The following ART3 variants were observed in gnomAD, a reference collection of about 807,000 sequenced individuals.
ART3 encodes ecto-ADP-ribosyltransferase 3.
In ART3, 49 loss-of-function variants were observed where a neutral mutation model predicts 48.5. The ratio of observed to expected loss-of-function variants is 1.01; its 90% CI spans 0.80 to 1.28. The LOEUF is 1.28. ART3 is among the 50% of genes most tolerant of loss of function. The probability of loss-of-function intolerance (pLI) is 0.00; values close to 1 mark genes in which losing one functional copy is unlikely to be tolerated. For missense variants in ART3, 438 were observed against 454.3 expected, an observed-to-expected ratio of 0.96 and a Z score of 0.33; for synonymous variants, 145 against 157.2, an observed-to-expected ratio of 0.92 and a Z score of 0.58.
At chr4:76,106,040 A>G (rs1728395929) in intron 10 of ART3, 2 of 985,436 alleles carry the variant, frequency 2.0e-6, no homozygotes, top group South Asian at 9.4e-5. Flanking sequence ...GCTTTTTAAA[A>G]GGTGATGTGA....
At chr4:76,084,339 C>T (rs180851652) in intron 3 of ART3, among the ~76,000 whole-genome samples, 1 of 152,126 alleles carries the variant, frequency 6.6e-6, no homozygotes, top group Non-Finnish European at 1.5e-5. Context: ...AAATGGTCCA[C>T]TAAAGAAAAT....
At chr4:76,090,780 A>C (rs1224659003) in intron 3 of ART3, among the ~76,000 whole-genome samples, 1 of 152,254 alleles carries the variant, frequency 6.6e-6, no homozygotes, top group African/African-American at 2.4e-5. Context: ...CTGCACATAA[A>C]GTAAAATTTA....
intron 10 of ART3, among the ~76,000 whole-genome samples, chr4:76,105,155 G>A (rs1473464826): frequency 6.6e-6 from 1 of 152,146 alleles, no homozygotes; most frequent in Non-Finnish European, 1.5e-5. Context: ...TGACACTGAT[G>A]ACACACCTTG....
intron 1 of ART3, among the ~76,000 whole-genome samples, chr4:76,013,919 T>C (rs998500566): frequency 1.3e-5 from 2 of 152,236 alleles, no homozygotes; most frequent in Non-Finnish European, 2.9e-5. Flanking sequence ...TCCTACCTTT[T>C]TAAGACCACT....
intron 1 of ART3, among the ~76,000 whole-genome samples, chr4:76,050,478 T>C: frequency 6.6e-6 from 1 of 152,148 alleles, no homozygotes; most frequent in Non-Finnish European, 1.5e-5. Context: ...TGCTGATTGG[T>C]GTATTTACAA....
At chr4:76,041,070 G>T (rs4637430) in intron 1 of ART3, 92,990 of 152,024 alleles carry the variant, frequency 0.61, 29,505 homozygotes, top group East Asian at 0.94. Context: ...CACATGTCTG[G>T]CACTCTTTTG....
chr4:76,013,964 A>G lies in ART3; in HGVS notation c.-10+2644A>G, dbSNP rs151041184. Among the ~76,000 whole-genome samples, 312 of 152,348 alleles carry G rather than the reference A, an allele frequency of 2.0e-3. 1 individual carries two copies. Among genetic ancestry groups the G allele is most frequent in the African/African-American group, 7.0e-3 (293 of 41,576 alleles). On this transcript the variant is annotated intron_variant, in intron 1 of 9. Coordinates refer to the ART3 transcript ENST00000341029. ...GAGTCAGAGTTTTGACCTTGTAAAT[A>G]TCTATCAATTCTTTACATATTTTGA...
chr4:76,051,857 A>G (rs1736125590), intron 1 of ART3, among the ~76,000 whole-genome samples: 1 of 149,980 alleles, frequency 6.7e-6, no homozygotes, highest in African/African-American at 2.5e-5. Flanking sequence ...TGAATTTTAA[A>G]TAAGGATGTT....
At chr4:76,037,789 G>A (rs1291257273) in intron 1 of ART3, among the ~76,000 whole-genome samples, 14 of 152,022 alleles carry the variant, frequency 9.2e-5, no homozygotes, top group Non-Finnish European at 2.1e-4. Flanking sequence ...GAAAATCACT[G>A]TAACTTTCTT....
At chr4:76,034,164 T>G (rs1734123019) in intron 1 of ART3, 1 of 328,964 alleles carries the variant, frequency 3.0e-6, no homozygotes, top group Non-Finnish European at 5.5e-6. Flanking sequence ...AACCAAATGA[T>G]GCATAAGAAT....
At chr4:76,063,827 T>C (rs997463972) in intron 1 of ART3, among the ~76,000 whole-genome samples, 2 of 152,198 alleles carry the variant, frequency 1.3e-5, no homozygotes, top group Non-Finnish European at 2.9e-5. Flanking sequence ...TCATGTATTA[T>C]ACAAAGTTCT....
chr4:76,016,132 T>C (rs1732236099), intron 1 of ART3, among the ~76,000 whole-genome samples: 1 of 152,234 alleles, frequency 6.6e-6, no homozygotes. Context: ...TATGCTATTC[T>C]AGGTTAAACA....
chr4:76,105,039 G>T (rs1329034182), intron 10 of ART3, among the ~76,000 whole-genome samples: 1 of 152,176 alleles, frequency 6.6e-6, no homozygotes, highest in Admixed American at 6.5e-5. Flanking sequence ...TTAAATAAAG[G>T]CTCAGAGAAC....
At chr4:76,037,239 TTTTGTC>T (rs1446906975) in intron 1 of ART3, among the ~76,000 whole-genome samples, 1 of 103,194 alleles carries the variant, frequency 9.7e-6, no homozygotes, top group Non-Finnish European at 1.9e-5. Flanking sequence ...ATTCCTATTT[TTTTGTC>T]TTTATCTTTT....
At chr4:76,086,681 G>A (rs893008999) in intron 3 of ART3, among the ~76,000 whole-genome samples, 1 of 152,150 alleles carries the variant, frequency 6.6e-6, no homozygotes, top group African/African-American at 2.4e-5. Context: ...CTATCCATAT[G>A]TATTTCATGG....
At chr4:76,035,782 C>G (rs1734335049) in intron 1 of ART3, 1 of 678,474 alleles carries the variant, frequency 1.5e-6, no homozygotes, top group Admixed American at 3.1e-5. Context: ...ACATGTCCAC[C>G]ATTTCTGTGC....
Position 76,107,552 on chromosome 4 carries a change from C to G in ART3, c.1004-209C>G, listed in dbSNP as rs1277983528. ...ATTTTAACTTTTATTTTTATGTAAACACATATTGATGGGAAAAAAAATTCA... is the reference window on the plus strand; with the variant it reads ...ATTTTAACTTTTATTTTTATGTAAAGACATATTGATGGGAAAAAAAATTCA... On this transcript the variant is annotated intron_variant, in intron 10 of 11. Coordinates refer to ENST00000355810, the MANE Select transcript of ART3 (RefSeq NM_001130016.3). The G allele has an allele frequency of 1.1e-5, 4 of 373,760 alleles. No homozygotes were observed. The East Asian group carries it at 1.7e-4, about 16-fold the overall frequency. The allele number at this position is 373,760 out of a possible 1,614,324, so 23.2% of individuals were successfully genotyped here.
At chr4:76,056,788 T>C (rs972709525) in intron 1 of ART3, among the ~76,000 whole-genome samples, 8 of 152,190 alleles carry the variant, frequency 5.3e-5, no homozygotes, top group African/African-American at 1.9e-4. Flanking sequence ...CATAATGAAC[T>C]TGAAATACAG....
chr4:76,075,848 C>T (rs1453030133), intron 1 of ART3, 33 bp from the exon 2 acceptor site: 4 of 1,541,916 alleles, frequency 2.6e-6, no homozygotes, highest in African/African-American at 1.4e-5. Flanking sequence ...TTTTTTGAGT[C>T]TACTGAATTG....
Sources: gnomAD v4.1 joint callset for allele counts (sites outside exome capture counted in the v4.1 genomes callset) on GRCh38, gnomAD v4.1.1 for gene constraint, MANE v1.5 for transcripts, NCBI Gene and HGNC (gene_info 2026-07-23, HGNC 2026-07-21) for gene names.